Variants in IMMT observed in about 807,000 individuals in gnomAD.
The protein encoded by IMMT is inner membrane mitochondrial protein.
Under a neutral mutation model 92.7 loss-of-function variants are expected in IMMT, and 40 were observed. The ratio of observed to expected loss-of-function variants is 0.43; its 90% CI spans 0.34 to 0.56. IMMT has a LOEUF of 0.56. Among genes scored for constraint, IMMT ranks in the 20% least tolerant of loss-of-function variants. The pLI is 0.03. For synonymous variants in IMMT, 322 were observed against 336.1 expected (o/e 0.96, Z 0.46); for missense variants, 831 against 912.1 (o/e 0.91, Z 1.14).
At chr2:86,195,228 C>T in intron 1 of IMMT, 110 bp downstream of exon 1, 1 of 1,235,580 alleles carries the variant, frequency 8.1e-7, no homozygotes, top group Non-Finnish European at 1.1e-6. Flanking sequence ...GAGGGTGGCC[C>T]TGAGGCTCGC....
At position 86,171,496 on chromosome 2, in the gene IMMT, CAG is replaced by C. The variant is rs538219285; in HGVS notation, c.422-153_422-152del. ...GCCACATGTTTGAATAACACACAAA[CAG>C]GGGCACTGTCCACTGCATACATAAA... On this transcript the variant is annotated intron_variant, in intron 4 of 14. Transcript: ENST00000410111. The C allele has an allele frequency of 4.5e-4, 314 of 702,698 alleles. 2 individuals carry two copies. The Middle Eastern group carries it at 9.7e-3, about 22-fold the overall frequency. The allele number at this position is 702,698 out of a possible 1,614,324, so 43.5% of individuals were successfully genotyped here. A position where few individuals can be genotyped will look rare whatever the true frequency, so the allele number is the denominator to read the frequency against.
At chr2:86,146,266 TC>T in intron 13 of IMMT, 69 bp from the exon 14 acceptor site, 1 of 1,375,004 alleles carries the variant, frequency 7.3e-7, no homozygotes, top group Non-Finnish European at 1.0e-6. Flanking sequence ...TGTGTAATCT[TC>T]CAGCAACTAC....
At chr2:86,162,976 A>C (rs775644665) in intron 7 of IMMT, among the ~76,000 whole-genome samples, 3 of 152,124 alleles carry the variant, frequency 2.0e-5, no homozygotes, top group Non-Finnish European at 4.4e-5. Flanking sequence ...AAACCCTCTA[A>C]CACTCTAATA....
intron 1 of IMMT, among the ~76,000 whole-genome samples, chr2:86,187,357 C>G (rs1297402734): frequency 6.6e-6 from 1 of 152,188 alleles, no homozygotes; most frequent in Non-Finnish European, 1.5e-5. Flanking sequence ...TTTCACGATT[C>G]ATTCACATTG....
chr2:86,160,059 G>C (rs554533234), intron 8 of IMMT: 1 of 153,718 alleles, frequency 6.5e-6, no homozygotes, highest in South Asian at 2.1e-4. Flanking sequence ...ACTACCTTTG[G>C]ACGAGCATCA....
In IMMT at chr2:86,166,539, T is replaced by C. The variant is rs1466809154; in HGVS notation, c.761A>G (p.Asn254Ser). Reference protein sequence around the residue: ...AAVQAVNAHSNILKAAMDNSE... With the variant: ...AAVQAVNAHSSILKAAMDNSE... The stretch of plus-strand genomic sequence containing the variant: ...ATTGTCCATGGCGGCTTTCAATATG[T>C]TGGAGTGTGCATTGACAGCCTGGAC... Residue 254 changes from asparagine (N) to serine (S), a missense_variant, in exon 7 of 15, where the codon AAC becomes AGC. By Grantham distance (46) the Asn-to-Ser change is conservative (BLOSUM62 1). Coordinates refer to ENST00000410111, the MANE Select transcript of IMMT (RefSeq NM_006839.3). The C allele has an allele frequency of 6.2e-7, 1 of 1,612,640 alleles. No homozygotes were observed.
intron 12 of IMMT, 29 bp from the exon 13 acceptor site, chr2:86,147,862 T>C: frequency 6.2e-7 from 1 of 1,606,126 alleles, no homozygotes; most frequent in Admixed American, 1.7e-5. Context: ...TAGTTATTAG[T>C]TTTCAATTCT....
Position 86,166,510 on chromosome 2 carries a change from C to G in IMMT, c.790G>C (p.Glu264Gln). 1 of 1,607,866 alleles carries G rather than the reference C, an allele frequency of 6.2e-7. No individual in the cohort carries two copies. The highest frequency in any genetic ancestry group is 8.5e-7 in the Non-Finnish European group (1 of 1,178,298). ...NILKAAMDNS[E>Q]IAGEKKSAQW... ...TTCTAATCATTCATTGGGCTCACCT[C>G]AGAATTGTCCATGGCGGCTTTCAAT... Residue 264 changes from glutamate to glutamine, a missense_variant and splice_region_variant, in exon 7 of 15, where the codon GAG becomes CAG. Glu to Gln is a conservative substitution (Grantham distance 29, BLOSUM62 2). Coordinates refer to ENST00000410111, the MANE Select transcript of IMMT (RefSeq NM_006839.3).
chr2:86,145,862 G>T (rs1359084228), intron 14 of IMMT, among the ~76,000 whole-genome samples: 1 of 152,112 alleles, frequency 6.6e-6, no homozygotes, highest in Non-Finnish European at 1.5e-5. Flanking sequence ...CTTGTAAATG[G>T]TGATTTTGTG....
intron 12 of IMMT, 149 bp from the exon 13 acceptor site, chr2:86,147,982 A>G: frequency 3.0e-6 from 2 of 673,544 alleles, no homozygotes; most frequent in Non-Finnish European, 4.8e-6. Flanking sequence ...TCTACTTCTC[A>G]TGTGAAACGG....
chr2:86,160,086 A>G (rs533705123), intron 8 of IMMT: 1 of 153,228 alleles, frequency 6.5e-6, no homozygotes, highest in Non-Finnish European at 1.5e-5. Flanking sequence ...TTCTGGAGTC[A>G]ATACACAGAG....
At chr2:86,168,825 G>T (rs1054402570) in intron 6 of IMMT, among the ~76,000 whole-genome samples, 1 of 152,194 alleles carries the variant, frequency 6.6e-6, no homozygotes, top group Non-Finnish European at 1.5e-5. Flanking sequence ...TGACAGAAGT[G>T]ATAGAAGTGA....
intron 11 of IMMT, among the ~76,000 whole-genome samples, chr2:86,153,304 TACAC>T (rs10572745): frequency 0.27 from 39,300 of 143,774 alleles, 5,998 homozygotes; most frequent in Middle Eastern, 0.36. Flanking sequence ...CAATCCATAT[TACAC>T]ACACACACAC....
At chr2:86,185,425 C>T (rs776133141) in intron 1 of IMMT, among the ~76,000 whole-genome samples, 1 of 151,930 alleles carries the variant, frequency 6.6e-6, no homozygotes, top group Non-Finnish European at 1.5e-5. Context: ...TAGTGTGTGA[C>T]CAAAAGATAC....
rs1038014602 is a variant in IMMT at position 86,154,516 on chromosome 2, G to A, written c.1163-942C>T. Among the ~76,000 whole-genome samples the A allele has an allele frequency of 4.1e-4, 63 of 152,096 alleles. No individual in the cohort carries two copies. The Middle Eastern group carries it at 0.01, about 25-fold the overall frequency. ...AAACTATAATTTTCTTTTATCCCTC[G>A]CATTTTCATTAGTTCATACAGTATT... On this transcript the variant is annotated intron_variant, in intron 10 of 14. Transcript: ENST00000410111.
intron 8 of IMMT, among the ~76,000 whole-genome samples, chr2:86,161,600 G>A (rs1319990285): frequency 1.5e-5 from 2 of 135,064 alleles, no homozygotes; most frequent in African/African-American, 2.8e-5. Flanking sequence ...TGCAACCTCC[G>A]CCTCCTGGGT....
rs1241431959 is a variant in IMMT at position 86,173,687 on chromosome 2, G to A, written c.384C>T (p.Leu128=). 4 of 1,606,208 alleles carry A rather than the reference G, an allele frequency of 2.5e-6. No homozygotes were observed. In the East Asian group the frequency reaches 8.9e-5, roughly 36 times the overall value. Residue 128 remains leucine, a synonymous_variant, in exon 4 of 15, where the codon CTC becomes CTT. Coordinates refer to ENST00000410111, the MANE Select transcript of IMMT (RefSeq NM_006839.3). ...MKESKQPASQ[L]QKQKGDTPAS... ...CTGGAGTATCTCCCTTTTGTTTTTGGAGTTGTGAGGCAGGCTGTTTAGATT... is the reference window on the plus strand; with the variant it reads ...CTGGAGTATCTCCCTTTTGTTTTTGAAGTTGTGAGGCAGGCTGTTTAGATT...
intron 12 of IMMT, among the ~76,000 whole-genome samples, chr2:86,149,666 T>C (rs928451968): frequency 1.3e-5 from 2 of 151,938 alleles, no homozygotes; most frequent in East Asian, 3.9e-4. Context: ...TCACTTGAGG[T>C]CAGGAGTTCG....
At chr2:86,171,183 GAACA>G (rs1677058824) in intron 5 of IMMT, 21 bp downstream of exon 5, 3 of 1,555,322 alleles carry the variant, frequency 1.9e-6, no homozygotes, top group African/African-American at 2.7e-5. Flanking sequence ...ATGTATAAAA[GAACA>G]AATAGAAATA....
Sources: gnomAD v4.1 joint callset for allele counts (sites outside exome capture counted in the v4.1 genomes callset) on GRCh38, gnomAD v4.1.1 for gene constraint, MANE v1.5 for transcripts, NCBI Gene and HGNC (gene_info 2026-07-23, HGNC 2026-07-21) for gene names.